Variants in CCNDBP1 observed in about 807,000 individuals in gnomAD.
CCNDBP1 encodes the protein cyclin-D1-binding protein 1.
Under a neutral mutation model 46.2 loss-of-function variants are expected in CCNDBP1, and 45 were observed. The ratio of observed to expected loss-of-function variants is 0.97; its 90% CI spans 0.77 to 1.25. The LOEUF (loss-of-function observed/expected upper bound fraction) is 1.25, where lower values mean the gene tolerates loss of function less well. Ranked by LOEUF, CCNDBP1 falls within the 50% of genes most tolerant of loss-of-function variation. The probability of loss-of-function intolerance (pLI) is 0.00; values close to 1 mark genes in which losing one functional copy is unlikely to be tolerated. For synonymous variants in CCNDBP1, 154 were observed against 163.6 expected (o/e 0.94, Z 0.45); for missense variants, 436 against 442.1 (o/e 0.99, Z 0.12).
chr15:43,192,606 G>C, intron 8 of CCNDBP1, 137 bp from the exon 9 acceptor site: 1 of 701,262 alleles, frequency 1.4e-6, no homozygotes, highest in South Asian at 1.6e-5. Flanking sequence ...ATTCTGTATT[G>C]GTTGCCCAGT....
At chr15:43,194,058 T>TTC in intron 9 of CCNDBP1, 3 of 339,422 alleles carry the variant, frequency 8.8e-6, no homozygotes, top group Non-Finnish European at 1.7e-5. Context: ...TTTTTTTTTT[T>TTC]TTTTTTTTTT....
Position 43,186,192 on chromosome 15 carries a change from C to G in CCNDBP1, c.208C>G (p.Leu70Val), listed in dbSNP as rs369744967. 2.8e-5 allele frequency: 45 copies of G among 1,614,116 alleles called. No homozygotes were observed. The highest frequency in any genetic ancestry group is 3.7e-5 in the Non-Finnish European group (44 of 1,180,042). Residue 70 changes from leucine to valine, a missense_variant, in exon 3 of 11, where the codon CTG becomes GTG. Transcript: ENST00000300213. ...GACTGTGTCAAGGGAAGCCACGACT[C>G]TGACCATAGTCTTCTCTCAGCTTCC... Reference protein sequence around the residue: ...AVTVSREATTLTIVFSQLPLP... With the variant: ...AVTVSREATTVTIVFSQLPLP...
At chr15:43,194,005 C>T (rs2042000901) in intron 9 of CCNDBP1, 1 of 310,504 alleles carries the variant, frequency 3.2e-6, no homozygotes, top group Non-Finnish European at 5.9e-6. Flanking sequence ...TAAACGTCTC[C>T]ATCTTATCCT....
At chr15:43,186,791 T>G (rs964783943) in intron 3 of CCNDBP1, among the ~76,000 whole-genome samples, 5 of 152,220 alleles carry the variant, frequency 3.3e-5, no homozygotes, top group Non-Finnish European at 5.9e-5. Context: ...TTTTGCATTA[T>G]TCCACGTATA....
intron 3 of CCNDBP1, among the ~76,000 whole-genome samples, chr15:43,188,020 T>C (rs1292473054): frequency 6.6e-6 from 1 of 152,154 alleles, no homozygotes; most frequent in Non-Finnish European, 1.5e-5. Flanking sequence ...TGTTGTTTTT[T>C]AAATTCCAAT....
At chr15:43,192,718 G>A (rs1223534483) in intron 8 of CCNDBP1, 25 bp from the exon 9 acceptor site, 1 of 1,611,472 alleles carries the variant, frequency 6.2e-7, no homozygotes, top group Non-Finnish European at 8.5e-7. Flanking sequence ...TTTTGTTAAT[G>A]ATTACTTTTG....
Position 43,185,577 on chromosome 15 carries a change from G to C in CCNDBP1, c.79G>C (p.Glu27Gln). 1 of 1,581,942 alleles carries C rather than the reference G, an allele frequency of 6.3e-7. No homozygotes were observed. Among genetic ancestry groups the C allele is most frequent in the Non-Finnish European group, 8.6e-7 (1 of 1,167,148 alleles). The change falls in exon 1 of 11, where the codon GAG (glutamate) becomes CAG (glutamine). Residue 27 changes from glutamate (E) to glutamine (Q), a missense_variant. Physicochemically the swap from Glu to Gln is conservative, Grantham distance 29. Transcript: ENST00000300213. ...GGAGCAGCTCCGGCACTTGGCGGAG[G>C]AGCTGCGGTTGCTCCTGCCTCGAGT... ...PLEQLRHLAEELRLLLPRVRV... is the reference protein window; with the variant it reads ...PLEQLRHLAEQLRLLLPRVRV...
intron 4 of CCNDBP1, 25 bp from the exon 5 acceptor site, chr15:43,190,030 G>A (rs367786133): frequency 8.4e-4 from 1,339 of 1,600,802 alleles, no homozygotes; most frequent in Non-Finnish European, 1.1e-3. Flanking sequence ...ACACCAGGTT[G>A]CTTATTCTTT....
chr15:43,191,821 C>G, intron 8 of CCNDBP1, 146 bp downstream of exon 8: 1 of 806,278 alleles, frequency 1.2e-6, no homozygotes, highest in Admixed American at 3.0e-5. Flanking sequence ...AGTGAACACC[C>G]CTATATCCTT....
chr15:43,193,516 T>C (rs1467444676), intron 9 of CCNDBP1, among the ~76,000 whole-genome samples: 4 of 152,182 alleles, frequency 2.6e-5, no homozygotes, highest in Non-Finnish European at 5.9e-5. Flanking sequence ...TTCTGATTTC[T>C]AGACAAGGCA....
rs202103344 is a variant in CCNDBP1, at chr15:43,185,838, C to T, written c.128C>T (p.Thr43Ile). Residue 43 changes from threonine to isoleucine, a missense_variant, in exon 2 of 11, where the codon ACC becomes ATC. Thr to Ile is a moderately conservative substitution (Grantham distance 89). Transcript: ENST00000300213. ...PRVRVGEAQE[T>I]TEEFNREMFW... ...CCACAAGTCGGCGAAGCCCAGGAGA[C>T]CACCGAGGAGTTTAATCGAGAGATG... 6.8e-6 allele frequency: 11 copies of T among 1,611,514 alleles called. No homozygotes were observed. The East Asian group carries it at 2.5e-4, about 36-fold the overall frequency.
intron 8 of CCNDBP1, 80 bp downstream of exon 8, chr15:43,191,755 G>T: frequency 6.7e-7 from 1 of 1,486,962 alleles, no homozygotes; most frequent in Non-Finnish European, 9.0e-7. Flanking sequence ...GGTTTTCACA[G>T]TTTTTTTATA....
chr15:43,192,673 C>T, intron 8 of CCNDBP1, 70 bp from the exon 9 acceptor site: 1 of 1,382,380 alleles, frequency 7.2e-7, no homozygotes, highest in Non-Finnish European at 1.0e-6. Flanking sequence ...TGTTGACATC[C>T]ATAGTTGTGT....
In CCNDBP1 at chr15:43,190,360, T is replaced by C. The variant is rs149681338; in HGVS notation, c.464T>C (p.Val155Ala). ...ENNDLISYNS[V>A]WVACQQMPQI... is the part of the protein sequence containing the mutation. ...AATGACCTTATTTCCTACAACAGTG[T>C]CTGGGTTGCGTGCCAGCAGATGCCT... Residue 155 changes from valine to alanine, a missense_variant, in exon 6 of 11, where the codon GTC becomes GCC. Val to Ala is a moderately conservative substitution (Grantham distance 64, BLOSUM62 0). Coordinates refer to ENST00000300213, the MANE Select transcript of CCNDBP1 (RefSeq NM_012142.5). 231 of 1,614,168 alleles carry C rather than the reference T, an allele frequency of 1.4e-4. 1 individual carries two copies. The highest frequency in any genetic ancestry group is 1.7e-4 in the Non-Finnish European group (200 of 1,180,026).
rs1182928826 is a variant in CCNDBP1, at chr15:43,197,056, G to T, written c.*2215G>T. On this transcript the variant is annotated 3_prime_UTR_variant, in exon 11 of 11. Transcript: ENST00000300213. The stretch of plus-strand genomic sequence containing the variant: ...ACCCCTCAACCCATTCTTGCCCTGT[G>T]ATCTCTGCTCACGTTGCCTCCCTTC... The T allele has an allele frequency of 1.9e-5, 10 of 515,760 alleles. No homozygotes were observed. Among genetic ancestry groups the T allele is most frequent in the Non-Finnish European group, 3.1e-5 (9 of 287,498 alleles). 31.9% of individuals were successfully genotyped at this position (515,760 alleles called of 1,614,324 possible).
chr15:43,187,992 GTTT>G (rs999731253), intron 3 of CCNDBP1, among the ~76,000 whole-genome samples: 1 of 150,846 alleles, frequency 6.6e-6, no homozygotes, highest in African/African-American at 2.4e-5. Flanking sequence ...GTGGTTGTTG[GTTT>G]TTTTTTGTTG....
At chr15:43,192,105 G>A (rs1358151183) in intron 8 of CCNDBP1, among the ~76,000 whole-genome samples, 4 of 152,104 alleles carry the variant, frequency 2.6e-5, no homozygotes, top group African/African-American at 9.7e-5. Context: ...TCAGGGTTCT[G>A]TCAAGGTCCC....
At chr15:43,189,022 G>A (rs1244987248) in intron 3 of CCNDBP1, 177 bp from the exon 4 acceptor site, 3 of 379,134 alleles carry the variant, frequency 7.9e-6, no homozygotes, top group Non-Finnish European at 1.3e-5. Flanking sequence ...AGGTTGCAGT[G>A]AGCCAAGATT....
At chr15:43,194,617 G>A in intron 10 of CCNDBP1, 110 bp from the exon 11 acceptor site, 1 of 1,017,792 alleles carries the variant, frequency 9.8e-7, no homozygotes, top group South Asian at 1.5e-5. Flanking sequence ...ATTCTGCAAA[G>A]AAGCTTCCCT....
Sources: allele counts gnomAD v4.1 joint callset (sites outside exome capture counted in the v4.1 genomes callset), GRCh38; gene constraint gnomAD v4.1.1; transcripts MANE v1.5; gene names NCBI Gene and HGNC (gene_info 2026-07-23, HGNC 2026-07-21).